Variants in OPHN1 observed in about 807,000 individuals in gnomAD.
The protein encoded by OPHN1 is oligophrenin-1.
A neutral mutation model predicts 60.7 loss-of-function variants in OPHN1; 11 were observed. The observed-to-expected ratio is 0.18, with a 90% confidence interval of 0.11 to 0.30. OPHN1 has a LOEUF of 0.30. Ranked by LOEUF, OPHN1 falls within the 10% of genes least tolerant of loss-of-function variation. OPHN1 has a pLI of 1.00. For synonymous variants in OPHN1, 226 were observed against 222.6 expected (o/e 1.02, Z -0.14); for missense variants, 449 against 611.0 (o/e 0.73, Z 2.80).
At chrX:68,283,202 G>A in intron 3 of OPHN1, 85 bp from the exon 4 acceptor site, 1 of 788,030 alleles carries the variant, frequency 1.3e-6, no homozygotes, top group South Asian at 2.2e-5. Flanking sequence ...CAGGAAGTAG[G>A]GACCAGTGCC....
chrX:68,398,644 G>A (rs1175856520), intron 2 of OPHN1, among the ~76,000 whole-genome samples: 1 of 111,316 alleles, frequency 9.0e-6, no homozygotes, highest in Non-Finnish European at 1.9e-5. Context: ...AATCAGGGAG[G>A]GTCCTAAATA....
chrX:68,193,878 T>C lies in OPHN1; in HGVS notation c.1201+12A>G, dbSNP rs1200114021. 1 of 1,189,742 alleles carries C rather than the reference T, an allele frequency of 8.4e-7. No homozygotes were observed. Reference sequence around the variant, plus strand: ...GATTCAGACAATGCCAAGACTATGGTTCAGATCTTACCTTTGGTCTCAATA... The same window carrying C: ...GATTCAGACAATGCCAAGACTATGGCTCAGATCTTACCTTTGGTCTCAATA... On this transcript the variant is annotated intron_variant, in intron 14 of 24. Coordinates refer to ENST00000355520, the MANE Select transcript of OPHN1 (RefSeq NM_002547.3).
intron 2 of OPHN1, among the ~76,000 whole-genome samples, chrX:68,371,637 C>G (rs748141887): frequency 8.9e-6 from 1 of 112,049 alleles, no homozygotes; most frequent in South Asian, 3.7e-4. Flanking sequence ...ACCATATAGC[C>G]TTGGTAGGTT....
chrX:68,393,891 T>G (rs912062342), intron 2 of OPHN1, among the ~76,000 whole-genome samples: 2 of 67,110 alleles, frequency 3.0e-5, no homozygotes, highest in African/African-American at 9.6e-5. Flanking sequence ...CTTTGTTTTT[T>G]TTTTTTTTTT....
intron 10 of OPHN1, among the ~76,000 whole-genome samples, chrX:68,205,979 A>AGTGAGTGTGTGTGT (rs2077557266): frequency 1.1e-5 from 1 of 91,221 alleles, no homozygotes; most frequent in Non-Finnish European, 2.1e-5. Context: ...AGTGTGTGTG[A>AGTGAGTGTGTGTGT]GTGTGTGTGT....
chrX:68,326,421 C>T (rs1192307796), intron 2 of OPHN1, among the ~76,000 whole-genome samples: 1 of 4,467 alleles, frequency 2.2e-4, no homozygotes, highest in Non-Finnish European at 3.0e-4. Context: ...AAGCGAGAAG[C>T]GCCTCTTCCC....
intron 6 of OPHN1, among the ~76,000 whole-genome samples, chrX:68,227,058 G>T: frequency 9.0e-6 from 1 of 111,109 alleles, no homozygotes; most frequent in Non-Finnish European, 1.9e-5. Context: ...AGGGATGGAG[G>T]AAGATCTACC....
intron 20 of OPHN1, among the ~76,000 whole-genome samples, chrX:68,069,581 AGTT>A (rs2076925680): frequency 9.0e-6 from 1 of 110,882 alleles, no homozygotes; most frequent in African/African-American, 3.3e-5. Flanking sequence ...GTATACCAGG[AGTT>A]GTTCTAGGGC....
intron 2 of OPHN1, among the ~76,000 whole-genome samples, chrX:68,303,169 T>A (rs779269257): frequency 1.2e-3 from 134 of 111,639 alleles, no homozygotes; most frequent in African/African-American, 4.1e-3. Context: ...TTCAGTGCAA[T>A]CCCTAACAAA....
intron 6 of OPHN1, among the ~76,000 whole-genome samples, chrX:68,218,342 TG>T (rs1238725185): frequency 1.9e-4 from 20 of 104,445 alleles, no homozygotes; most frequent in Non-Finnish European, 3.3e-4. Flanking sequence ...GGAACCAAGT[TG>T]GAAAACACTC....
chrX:68,425,069 A>C (rs936113106), intron 2 of OPHN1, among the ~76,000 whole-genome samples: 4 of 112,050 alleles, frequency 3.6e-5, no homozygotes, highest in African/African-American at 1.3e-4. Flanking sequence ...ATACCTGCTG[A>C]GCAAGAATGC....
At chrX:68,065,305 T>A (rs905982954) in intron 20 of OPHN1, among the ~76,000 whole-genome samples, 10 of 111,209 alleles carry the variant, frequency 9.0e-5, no homozygotes, top group Admixed American at 8.6e-4. Flanking sequence ...TCTTAAGGAA[T>A]CACTGTTTTG....
intron 5 of OPHN1, among the ~76,000 whole-genome samples, chrX:68,252,092 C>T (rs1160467867): frequency 1.8e-5 from 2 of 111,639 alleles, no homozygotes; most frequent in African/African-American, 6.5e-5. Flanking sequence ...CTTCTGCCAC[C>T]ATCCTGAGAA....
chrX:68,368,642 A>G (rs2147727024), intron 2 of OPHN1, among the ~76,000 whole-genome samples: 1 of 111,760 alleles, frequency 8.9e-6, no homozygotes, highest in Non-Finnish European at 1.9e-5. Context: ...CTAAGCTTTC[A>G]CCTTGAGCTA....
chrX:68,416,108 A>C (rs1354820600), intron 2 of OPHN1, among the ~76,000 whole-genome samples: 3 of 92,101 alleles, frequency 3.3e-5, no homozygotes, highest in African/African-American at 1.3e-4. Context: ...AGAGAGAGAG[A>C]GAGCGCTCAC....
chrX:68,365,187 A>T (rs1185939901), intron 2 of OPHN1, among the ~76,000 whole-genome samples: 1 of 111,707 alleles, frequency 9.0e-6, no homozygotes, highest in Non-Finnish European at 1.9e-5. Flanking sequence ...AGATATAGGA[A>T]TAATGTTACT....
At chrX:68,123,324 G>A (rs184437024) in intron 15 of OPHN1, among the ~76,000 whole-genome samples, 3 of 111,806 alleles carry the variant, frequency 2.7e-5, no homozygotes, top group Non-Finnish European at 3.8e-5. Context: ...TACAAGAGAC[G>A]CTAAAGAGAG....
intron 2 of OPHN1, among the ~76,000 whole-genome samples, chrX:68,378,889 T>C (rs2078577419): frequency 8.9e-6 from 1 of 111,784 alleles, no homozygotes; most frequent in Non-Finnish European, 1.9e-5. Flanking sequence ...TTTGTTCTTT[T>C]TGCTTAGGAT....
chrX:68,374,083 C>T lies in OPHN1; in HGVS notation c.154+58784G>A, dbSNP rs2078543160. On this transcript the variant is annotated intron_variant, in intron 2 of 24. Transcript: ENST00000355520. ...AGGCATCCATAAGCACAATCCAGGG[C>T]ACGGTGGCTCATGCCTGTAATCCTA... Among the ~76,000 whole-genome samples the T allele has an allele frequency of 4.5e-5, 5 of 111,479 alleles. No homozygotes were observed. The South Asian group carries it at 1.9e-3, about 42-fold the overall frequency.
Sources: allele counts gnomAD v4.1 joint callset (sites outside exome capture counted in the v4.1 genomes callset), GRCh38; gene constraint gnomAD v4.1.1; transcripts MANE v1.5; gene names NCBI Gene and HGNC (gene_info 2026-07-23, HGNC 2026-07-21).